GRM5: variants seen among roughly 807,000 people sequenced by gnomAD.
The protein encoded by GRM5 is metabotropic glutamate receptor 5.
A neutral mutation model predicts 83.1 loss-of-function variants in GRM5; 19 were observed. That is an observed-to-expected ratio of 0.23 (90% CI 0.16 to 0.34). The LOEUF (loss-of-function observed/expected upper bound fraction) is 0.34, where lower values mean the gene tolerates loss of function less well. Among genes scored for constraint, GRM5 ranks in the 10% least tolerant of loss-of-function variants. GRM5 has a pLI of 1.00. For missense variants in GRM5, 1,160 were observed against 1,588.3 expected, an observed-to-expected ratio of 0.73 and a Z score of 4.58; for synonymous variants, 675 against 633.6, an observed-to-expected ratio of 1.07 and a Z score of -0.98.
intron 2 of GRM5, chr11:89,009,145 G>A (rs780229804): frequency 2.7e-5 from 19 of 696,008 alleles, no homozygotes; most frequent in South Asian, 9.4e-5. Flanking sequence ...ATAAGCAAAG[G>A]TTTTATAAGT....
rs143740677 is a variant in GRM5, at chr11:88,646,896, C to CAAAA, written c.1147+6268_1147+6271dup. Among the ~76,000 whole-genome samples, 880 of 139,846 alleles carry CAAAA rather than the reference C, an allele frequency of 6.3e-3. 12 individuals carry two copies. The highest frequency in any genetic ancestry group is 0.011 in the Middle Eastern group (3 of 270). The allele number at this position is 139,846 out of a possible 152,430, so 91.7% of individuals were successfully genotyped here. On this transcript the variant is annotated intron_variant, in intron 4 of 9. Transcript: ENST00000305447. ...TGTTAATTTTCTAAGGTTGCCATTA[C>CAAAA]AAAAAAAAAACACCACAAATTGGTT...
intron 3 of GRM5, among the ~76,000 whole-genome samples, chr11:88,800,415 T>TAA (rs34514290): frequency 2.8e-4 from 42 of 149,736 alleles, no homozygotes; most frequent in South Asian, 2.1e-3. Flanking sequence ...CTACAGTACT[T>TAA]AAAAAAAAAA....
chr11:88,775,641 C>A (rs1236538069), intron 3 of GRM5, among the ~76,000 whole-genome samples: 1 of 152,140 alleles, frequency 6.6e-6, no homozygotes, highest in Non-Finnish European at 1.5e-5. Context: ...TATGTTGTGT[C>A]TTTGTTCTCA....
intron 2 of GRM5, among the ~76,000 whole-genome samples, chr11:88,927,871 G>A (rs376417455): frequency 7.2e-5 from 11 of 152,168 alleles, no homozygotes; most frequent in East Asian, 1.9e-4. Context: ...ATACATGCAC[G>A]TTATGATGAT....
At chr11:88,979,299 A>G (rs1939448285) in intron 2 of GRM5, among the ~76,000 whole-genome samples, 1 of 152,176 alleles carries the variant, frequency 6.6e-6, no homozygotes, top group Admixed American at 6.5e-5. Flanking sequence ...TAACGCCGGG[A>G]GGGTTTATTG....
At chr11:88,579,215 G>A (rs1328913810) in intron 7 of GRM5, among the ~76,000 whole-genome samples, 3 of 152,122 alleles carry the variant, frequency 2.0e-5, no homozygotes, top group Non-Finnish European at 2.9e-5. Context: ...TCTGATAGGT[G>A]ACAGGTACTC....
Position 89,006,594 on chromosome 11 carries a change from C to A in GRM5, c.661+40618G>T, listed in dbSNP as rs536024938. 8.5e-5 allele frequency among the ~76,000 whole-genome samples: 13 copies of A among 152,304 alleles called. No homozygotes were observed. The South Asian group carries it at 2.5e-3, about 29-fold the overall frequency. On this transcript the variant is annotated intron_variant, in intron 2 of 9. Transcript: ENST00000305447. ...CTAACAGATCATTCATGATTTGTCC[C>A]CTGACTGTCTCACTAAAGTCATTTT...
chr11:88,851,570 C>G (rs1334844025), intron 2 of GRM5, among the ~76,000 whole-genome samples: 1 of 152,158 alleles, frequency 6.6e-6, no homozygotes, highest in Non-Finnish European at 1.5e-5. Context: ...TGTTCTCTTC[C>G]CTTGGCTGAT....
intron 3 of GRM5, among the ~76,000 whole-genome samples, chr11:88,749,299 C>G (rs951088723): frequency 6.6e-6 from 1 of 152,150 alleles, no homozygotes; most frequent in Non-Finnish European, 1.5e-5. Flanking sequence ...AACGCACTCA[C>G]AAGTATCAAT....
intron 3 of GRM5, among the ~76,000 whole-genome samples, chr11:88,777,697 G>C (rs761593142): frequency 1.3e-5 from 2 of 152,184 alleles, no homozygotes; most frequent in Non-Finnish European, 2.9e-5. Flanking sequence ...AGGTCCCTCA[G>C]CTGCAGGTCA....
chr11:88,965,126 T>TC (rs1804420374), intron 2 of GRM5, among the ~76,000 whole-genome samples: 1 of 152,202 alleles, frequency 6.6e-6, no homozygotes, highest in Non-Finnish European at 1.5e-5. Flanking sequence ...CATATAGTTA[T>TC]ATTCTATCTA....
At chr11:88,883,817 C>T (rs1403293479) in intron 2 of GRM5, among the ~76,000 whole-genome samples, 1 of 152,034 alleles carries the variant, frequency 6.6e-6, no homozygotes, top group Non-Finnish European at 1.5e-5. Context: ...ATCTGCAGCC[C>T]CAAGCCTTGG....
At chr11:88,701,490 T>C (rs566919760) in intron 3 of GRM5, among the ~76,000 whole-genome samples, 11 of 152,226 alleles carry the variant, frequency 7.2e-5, no homozygotes, top group South Asian at 2.1e-4. Flanking sequence ...AGCTGAGGAC[T>C]CAAGGTCAGC....
intron 2 of GRM5, among the ~76,000 whole-genome samples, chr11:89,020,733 T>C (rs1940963750): frequency 6.6e-6 from 1 of 152,224 alleles, no homozygotes; most frequent in African/African-American, 2.4e-5. Flanking sequence ...TTACATATTA[T>C]TCTATGTTAA....
intron 8 of GRM5, among the ~76,000 whole-genome samples, chr11:88,529,759 A>G (rs1434484161): frequency 6.6e-6 from 1 of 152,012 alleles, no homozygotes; most frequent in Non-Finnish European, 1.5e-5. Flanking sequence ...TGAAAAATAG[A>G]GCACAGTCTC....
chr11:88,855,237 C>T (rs1383724685), intron 2 of GRM5, among the ~76,000 whole-genome samples: 4 of 151,682 alleles, frequency 2.6e-5, no homozygotes, highest in Non-Finnish European at 4.4e-5. Context: ...AGCTTGTATA[C>T]TATTTTATCT....
intron 2 of GRM5, among the ~76,000 whole-genome samples, chr11:88,860,352 TC>T (rs1384160249): frequency 1.3e-5 from 2 of 152,270 alleles, no homozygotes; most frequent in African/African-American, 4.8e-5. Flanking sequence ...GCTGAAGACT[TC>T]GGTGCATGTC....
At chr11:88,712,469 A>T (rs1252137109) in intron 3 of GRM5, among the ~76,000 whole-genome samples, 1 of 152,006 alleles carries the variant, frequency 6.6e-6, no homozygotes, top group African/African-American at 2.4e-5. Flanking sequence ...TTCATCTTGC[A>T]CTGAAAGTAT....
At chr11:88,705,780 A>G (rs781487367) in intron 3 of GRM5, among the ~76,000 whole-genome samples, 1 of 151,862 alleles carries the variant, frequency 6.6e-6, no homozygotes, top group Non-Finnish European at 1.5e-5. Context: ...TCTCCCCTTC[A>G]ATAATTATTT....
Sources: gnomAD v4.1 joint callset for allele counts (sites outside exome capture counted in the v4.1 genomes callset) on GRCh38, gnomAD v4.1.1 for gene constraint, MANE v1.5 for transcripts, NCBI Gene and HGNC (gene_info 2026-07-23, HGNC 2026-07-21) for gene names.